ASB1: variants seen among roughly 807,000 people sequenced by gnomAD.
The protein encoded by ASB1 is ankyrin repeat and SOCS box protein 1.
A neutral mutation model predicts 27.7 loss-of-function variants in ASB1; 18 were observed. The ratio of observed to expected loss-of-function variants is 0.65; its 90% CI spans 0.45 to 0.96. The LOEUF (loss-of-function observed/expected upper bound fraction) is 0.96, where lower values mean the gene tolerates loss of function less well. ASB1 is among the 50% of genes least tolerant of loss of function. The pLI, the probability that ASB1 is intolerant of heterozygous loss-of-function variation, is 0.00. For synonymous variants in ASB1, 189 were observed against 187.6 expected (o/e 1.01, Z -0.06); for missense variants, 397 against 451.7 (o/e 0.88, Z 1.10).
intron 3 of ASB1, among the ~76,000 whole-genome samples, chr2:238,441,217 C>A (rs1189728250): frequency 1.3e-5 from 2 of 151,772 alleles, no homozygotes; most frequent in Non-Finnish European, 2.9e-5. Context: ...TTACTGCAAC[C>A]TCTGCCCCCT....
In ASB1 at chr2:238,450,992, C is replaced by T. The variant is rs1702271820; in HGVS notation, c.*4481C>T. On this transcript the variant is annotated 3_prime_UTR_variant, in exon 5 of 5. Coordinates refer to ENST00000264607, the MANE Select transcript of ASB1 (RefSeq NM_001040445.3). Reference sequence around the variant, plus strand: ...TTCTCACTTATGCCTCACTCCCCTCCTCCCGCTCCAAACCCGAACCTCTCA... The same window carrying T: ...TTCTCACTTATGCCTCACTCCCCTCTTCCCGCTCCAAACCCGAACCTCTCA... The T allele has an allele frequency of 7.5e-6, 1 of 132,590 alleles. No individual in the cohort carries two copies. The highest frequency in any genetic ancestry group is 1.8e-5 in the Non-Finnish European group (1 of 56,156). 8.2% of individuals were successfully genotyped at this position (132,590 alleles called of 1,614,324 possible).
intron 1 of ASB1, among the ~76,000 whole-genome samples, chr2:238,429,314 C>A (rs1410906379): frequency 6.6e-6 from 1 of 152,138 alleles, no homozygotes; most frequent in East Asian, 1.9e-4. Flanking sequence ...TGAGTTTTTG[C>A]TCTTTACTTA....
At chr2:238,446,341 A>G (rs952259011) in intron 4 of ASB1, 43 bp from the exon 5 acceptor site, 6 of 1,546,154 alleles carry the variant, frequency 3.9e-6, no homozygotes, top group Middle Eastern at 1.8e-4. Flanking sequence ...CTGGAATAGA[A>G]TGAACCTTCC....
chr2:238,444,467 G>GCTTC lies in ASB1; in HGVS notation c.622_625dup (p.Arg209LeufsTer12). ...AGCGCAGCCTACCACAACCTCCAGT[G>GCTTC]CTTCCGGCTGCTCCTCCTGGCTGGC... On this transcript the variant is annotated frameshift_variant, in exon 4 of 5. Transcript: ENST00000264607. LOFTEE classifies it high-confidence loss of function. The GCTTC allele has an allele frequency of 1.2e-6, 2 of 1,614,234 alleles. No individual in the cohort carries two copies. Among genetic ancestry groups the GCTTC allele is most frequent in the Non-Finnish European group, 1.7e-6 (2 of 1,180,050 alleles).
At chr2:238,441,682 G>A (rs375368497) in intron 3 of ASB1, among the ~76,000 whole-genome samples, 2 of 152,356 alleles carry the variant, frequency 1.3e-5, no homozygotes, top group South Asian at 2.1e-4. Flanking sequence ...GCTGCACAGC[G>A]TGGCGTTGTG....
In ASB1 at chr2:238,446,678, C is replaced by A; in HGVS notation, c.*167C>A. 1.3e-6 allele frequency: 1 copy of A among 772,272 alleles called. No homozygotes were observed. The highest frequency in any genetic ancestry group is 2.1e-6 in the Non-Finnish European group (1 of 477,154). 47.8% of individuals were successfully genotyped at this position (772,272 alleles called of 1,614,324 possible). ...CAGGTGCCTGGGCCGCTGAACAGTC[C>A]TTGGGTCATTGTCAGCTGAGAGGCT... On this transcript the variant is annotated 3_prime_UTR_variant, in exon 5 of 5. Coordinates refer to ENST00000264607, the MANE Select transcript of ASB1 (RefSeq NM_001040445.3).
At chr2:238,440,898 G>T (rs1168830305) in intron 3 of ASB1, among the ~76,000 whole-genome samples, 3 of 152,296 alleles carry the variant, frequency 2.0e-5, no homozygotes, top group Admixed American at 2.0e-4. Context: ...GCGGCCTAGG[G>T]GTTACCTCAC....
intron 3 of ASB1, among the ~76,000 whole-genome samples, chr2:238,436,560 G>A (rs1701974950): frequency 6.6e-6 from 1 of 152,068 alleles, no homozygotes; most frequent in South Asian, 2.1e-4. Context: ...GTGCTGTGGC[G>A]TGATCATAGC....
chr2:238,440,578 C>G (rs1418367408), intron 3 of ASB1, among the ~76,000 whole-genome samples: 1 of 152,218 alleles, frequency 6.6e-6, no homozygotes, highest in African/African-American at 2.4e-5. Context: ...GGGCTCTCAC[C>G]TCTCATGCCA....
chr2:238,427,993 C>T lies in ASB1; in HGVS notation c.49+874C>T, dbSNP rs1158312167. Among the ~76,000 whole-genome samples the T allele has an allele frequency of 2.6e-5, 4 of 152,246 alleles. No homozygotes were observed. The East Asian group carries it at 5.8e-4, about 22-fold the overall frequency. Reference sequence around the variant, plus strand: ...CAGATAGGCTTTTCCATCCATCCCTCCCTCTGCACCTCCTTCCAATCATTT... The same window carrying T: ...CAGATAGGCTTTTCCATCCATCCCTTCCTCTGCACCTCCTTCCAATCATTT... On this transcript the variant is annotated intron_variant, in intron 1 of 4. Transcript: ENST00000264607.
chr2:238,444,863 A>G, intron 4 of ASB1, 136 bp downstream of exon 4: 5 of 930,082 alleles, frequency 5.4e-6, no homozygotes, highest in South Asian at 1.9e-5. Flanking sequence ...AGTTTTCCAG[A>G]TGGTTGTTCA....
intron 3 of ASB1, among the ~76,000 whole-genome samples, chr2:238,438,299 A>G (rs1323485137): frequency 2.8e-5 from 4 of 140,360 alleles, no homozygotes; most frequent in Non-Finnish European, 4.5e-5. Flanking sequence ...TCCAGGGTTC[A>G]CACCATTCTC....
intron 3 of ASB1, among the ~76,000 whole-genome samples, chr2:238,436,973 T>C (rs1701985038): frequency 6.6e-6 from 1 of 152,214 alleles, no homozygotes; most frequent in South Asian, 2.1e-4. Context: ...TACTATTAGT[T>C]TTATTTAAGG....
In ASB1 at chr2:238,447,354, C is replaced by G. The variant is rs477041; in HGVS notation, c.*843C>G. 72,101 of 152,708 alleles carry G rather than the reference C, an allele frequency of 0.47. 18,765 individuals carry two copies. The highest frequency in any genetic ancestry group is 0.64 in the Middle Eastern group (189 of 296). 9.5% of individuals were successfully genotyped at this position (152,708 alleles called of 1,614,324 possible). On this transcript the variant is annotated 3_prime_UTR_variant, in exon 5 of 5. Transcript: ENST00000264607. ...ACGTACCAGAAAGTGAAAAATGCAG[C>G]GAGTCCTCTGGGTGGTTATGAGCCT... is the stretch of plus-strand genomic sequence containing the variant.
chr2:238,432,590 C>T (rs369315085), intron 1 of ASB1, among the ~76,000 whole-genome samples: 2 of 152,194 alleles, frequency 1.3e-5, no homozygotes, highest in African/African-American at 2.4e-5. Context: ...TTTGCTCAGC[C>T]GTTGGATTTT....
Position 238,448,645 on chromosome 2 carries a change from G to C in ASB1, c.*2134G>C, listed in dbSNP as rs918780260. 1 of 152,466 alleles carries C rather than the reference G, an allele frequency of 6.6e-6. No individual in the cohort carries two copies. The highest frequency in any genetic ancestry group is 1.5e-5 in the Non-Finnish European group (1 of 68,234). The allele number at this position is 152,466 out of a possible 1,614,324, so 9.4% of individuals were successfully genotyped here. A position where few individuals can be genotyped will look rare whatever the true frequency, so the allele number is the denominator to read the frequency against. On this transcript the variant is annotated 3_prime_UTR_variant, in exon 5 of 5. Transcript: ENST00000264607. ...GACGAGGCCTCCCCAGCCCTGCCCG[G>C]TGCAGGAGGTGGCTCAGTTATTGAA...
intron 1 of ASB1, among the ~76,000 whole-genome samples, chr2:238,433,046 C>T (rs1372033666): frequency 6.6e-6 from 1 of 152,080 alleles, no homozygotes; most frequent in African/African-American, 2.4e-5. Flanking sequence ...TCACCTGGCT[C>T]AATCTGCTAA....
intron 3 of ASB1, among the ~76,000 whole-genome samples, chr2:238,441,623 G>A (rs971179441): frequency 2.0e-5 from 3 of 152,154 alleles, no homozygotes; most frequent in Non-Finnish European, 4.4e-5. Flanking sequence ...TCCTGTGCTC[G>A]GAGGCTGCTC....
Position 238,427,080 on chromosome 2 carries a change from GGC to G in ASB1, c.12_13del (p.Gly5GlnfsTer14). 7.9e-7 allele frequency: 1 copy of G among 1,264,130 alleles called. No homozygotes were observed. Among genetic ancestry groups the G allele is most frequent in the South Asian group, 2.9e-5 (1 of 34,810 alleles). The allele number at this position is 1,264,130 out of a possible 1,614,324, so 78.3% of individuals were successfully genotyped here. A position where few individuals can be genotyped will look rare whatever the true frequency, so the allele number is the denominator to read the frequency against. MAEGGSPDGRAGPG... is the reference protein window; with the variant it reads MAEXGSPDGRAGPG... ...GGAGGCGGAAGCATCCATGGCGGAG[GGC>G]GGCAGCCCAGACGGGCGGGCAGGGC... On this transcript the variant is annotated frameshift_variant, in exon 1 of 5. Coordinates refer to ENST00000264607, the MANE Select transcript of ASB1 (RefSeq NM_001040445.3). LOFTEE classifies it high-confidence loss of function.
Sources: gnomAD v4.1 joint callset for allele counts (sites outside exome capture counted in the v4.1 genomes callset) on GRCh38, gnomAD v4.1.1 for gene constraint, MANE v1.5 for transcripts, NCBI Gene and HGNC (gene_info 2026-07-23, HGNC 2026-07-21) for gene names.